CWF19L2: variants seen among roughly 807,000 people sequenced by gnomAD.
The protein encoded by CWF19L2 is CWF19-like protein 2.
Under a neutral mutation model 111.7 loss-of-function variants are expected in CWF19L2, and 98 were observed. The ratio of observed to expected loss-of-function variants is 0.88; its 90% CI spans 0.75 to 1.04. CWF19L2 has a LOEUF of 1.04. Among genes scored for constraint, CWF19L2 ranks in the 50% least tolerant of loss-of-function variants. CWF19L2 has a pLI of 0.00. For synonymous variants in CWF19L2, 351 were observed against 342.9 expected, an observed-to-expected ratio of 1.02 and a Z score of -0.26; for missense variants, 1,101 against 1,051.4, an observed-to-expected ratio of 1.05 and a Z score of -0.65.
intron 8 of CWF19L2, among the ~76,000 whole-genome samples, chr11:107,423,183 G>A (rs1480533235): frequency 6.6e-6 from 1 of 151,910 alleles, no homozygotes; most frequent in Non-Finnish European, 1.5e-5. Flanking sequence ...TAAGGTACAT[G>A]TCATTTTCAT....
chr11:107,348,897 C>A lies in CWF19L2; in HGVS notation c.2202+40G>T. ...ATCACAATAATTTACAAAAATTGCT[C>A]ATGAGTTTTAAAATGATAATGAACA... On this transcript the variant is annotated intron_variant, in intron 14 of 17. Transcript: ENST00000282251. The A allele has an allele frequency of 2.5e-6, 3 of 1,183,386 alleles. No homozygotes were observed. In the South Asian group the frequency reaches 4.1e-5, roughly 16 times the overall value. The allele number at this position is 1,183,386 out of a possible 1,614,324, so 73.3% of individuals were successfully genotyped here.
intron 5 of CWF19L2, among the ~76,000 whole-genome samples, chr11:107,440,022 T>C (rs1342891317): frequency 6.6e-6 from 1 of 152,174 alleles, no homozygotes; most frequent in East Asian, 1.9e-4. Flanking sequence ...TCTCCTGTGT[T>C]CTAAGCACGA....
At chr11:107,359,970 A>C (rs1452693629) in intron 12 of CWF19L2, among the ~76,000 whole-genome samples, 1 of 152,230 alleles carries the variant, frequency 6.6e-6, no homozygotes, top group East Asian at 1.9e-4. Context: ...GGAATGTAGG[A>C]GATCCTTGAG....
intron 12 of CWF19L2, among the ~76,000 whole-genome samples, chr11:107,362,792 C>A (rs577446004): frequency 0.16 from 23,626 of 151,678 alleles, 2,131 homozygotes; most frequent in Middle Eastern, 0.26. Context: ...GAACGCAGTT[C>A]CTCACCAGCA....
intron 16 of CWF19L2, among the ~76,000 whole-genome samples, chr11:107,333,477 A>G (rs1291245273): frequency 6.6e-6 from 1 of 152,202 alleles, no homozygotes; most frequent in African/African-American, 2.4e-5. Flanking sequence ...CTATGTTGTG[A>G]AAGAATACTT....
At chr11:107,446,064 T>G (rs1861698074) in intron 3 of CWF19L2, among the ~76,000 whole-genome samples, 1 of 152,254 alleles carries the variant, frequency 6.6e-6, no homozygotes, top group South Asian at 2.1e-4. Flanking sequence ...AAGACCATAC[T>G]AGCCCTAGAC....
chr11:107,448,282 T>G (rs571391482), intron 3 of CWF19L2, among the ~76,000 whole-genome samples: 1 of 134,670 alleles, frequency 7.4e-6, no homozygotes, highest in South Asian at 2.4e-4. Flanking sequence ...GAGGCGGAGG[T>G]TGCAGTGAGC....
At chr11:107,367,372 G>A (rs1209549762) in intron 12 of CWF19L2, among the ~76,000 whole-genome samples, 1 of 128,172 alleles carries the variant, frequency 7.8e-6, no homozygotes, top group Admixed American at 7.7e-5. Flanking sequence ...AAAGACACAT[G>A]CACACGTATG....
chr11:107,339,609 TGCCATCTA>T (rs1859975438), intron 14 of CWF19L2, among the ~76,000 whole-genome samples: 1 of 152,074 alleles, frequency 6.6e-6, no homozygotes, highest in Admixed American at 6.6e-5. Context: ...TATGCTTATT[TGCCATCTA>T]TTAATATAGA....
At chr11:107,377,952 C>A (rs1379442863) in intron 12 of CWF19L2, among the ~76,000 whole-genome samples, 1 of 151,834 alleles carries the variant, frequency 6.6e-6, no homozygotes, top group Admixed American at 6.5e-5. Context: ...AACAAGTGGG[C>A]GGAGGATATG....
rs557213561 is a variant in CWF19L2 at position 107,364,319 on chromosome 11, G to A, written c.1873-10583C>T. Among the ~76,000 whole-genome samples the A allele has an allele frequency of 1.7e-4, 25 of 146,896 alleles. 1 individual carries two copies. The highest frequency in any genetic ancestry group is 4.1e-4 in the African/African-American group (16 of 38,864). On this transcript the variant is annotated intron_variant, in intron 12 of 17. Transcript: ENST00000282251. Reference sequence around the variant, plus strand: ...AATTGAACTCAGCTCTGCCTCAAGCGGACCTAATATACATCTACAGAACTC... The same window carrying A: ...AATTGAACTCAGCTCTGCCTCAAGCAGACCTAATATACATCTACAGAACTC...
intron 12 of CWF19L2, among the ~76,000 whole-genome samples, chr11:107,354,883 T>A (rs866340484): frequency 3.3e-5 from 5 of 152,206 alleles, no homozygotes; most frequent in Non-Finnish European, 5.9e-5. Context: ...TCTACTCATT[T>A]TTCAATACTA....
chr11:107,333,090 A>T (rs1048328061), intron 16 of CWF19L2, among the ~76,000 whole-genome samples: 1 of 81,366 alleles, frequency 1.2e-5, no homozygotes, highest in African/African-American at 3.9e-5. Flanking sequence ...ACTCTGTCTA[A>T]AAAAAAAAAA....
intron 12 of CWF19L2, among the ~76,000 whole-genome samples, chr11:107,360,350 T>G (rs1345904605): frequency 1.3e-5 from 2 of 152,238 alleles, no homozygotes; most frequent in African/African-American, 4.8e-5. Flanking sequence ...TATTCCATTG[T>G]GTATATATAC....
chr11:107,378,273 AC>A (rs1382540943), intron 12 of CWF19L2, among the ~76,000 whole-genome samples: 3 of 149,952 alleles, frequency 2.0e-5, no homozygotes, highest in African/African-American at 7.5e-5. Context: ...CTGGGTATAT[AC>A]CCAAAGGACT....
intron 14 of CWF19L2, among the ~76,000 whole-genome samples, 166 bp from the exon 15 acceptor site, chr11:107,336,879 T>G (rs1217686652): frequency 1.3e-5 from 2 of 152,148 alleles, no homozygotes; most frequent in Admixed American, 1.3e-4. Context: ...AATGTTATAG[T>G]TACTTTACTT....
At chr11:107,412,004 T>G (rs962462799) in intron 10 of CWF19L2, among the ~76,000 whole-genome samples, 2 of 152,176 alleles carry the variant, frequency 1.3e-5, no homozygotes, top group Non-Finnish European at 2.9e-5. Flanking sequence ...GGAACAGTCA[T>G]GTAACTACAG....
intron 10 of CWF19L2, among the ~76,000 whole-genome samples, chr11:107,396,529 C>T (rs1187448737): frequency 6.6e-6 from 1 of 152,130 alleles, no homozygotes; most frequent in Non-Finnish European, 1.5e-5. Flanking sequence ...TATAAAGCTA[C>T]AAAATCAGTT....
At position 107,392,871 on chromosome 11, in the gene CWF19L2, G is replaced by C; in HGVS notation, c.1642C>G (p.Leu548Val). The change falls in exon 11 of 18, where the codon CTT (leucine) becomes GTT (valine). Residue 548 changes from leucine (L) to valine (V), a missense_variant. Coordinates refer to ENST00000282251, the MANE Select transcript of CWF19L2 (RefSeq NM_152434.3). ...CTTCCAGACTGATCTGTTCTGACAA[G>C]GATTACTTCTTGCTGGTCTTCATTC... is the stretch of plus-strand genomic sequence containing the variant. ...VENEDQQEVI[L>V]VRTDQSGRVW... 6.4e-7 allele frequency: 1 copy of C among 1,568,818 alleles called. No individual in the cohort carries two copies. Among genetic ancestry groups the C allele is most frequent in the South Asian group, 1.2e-5 (1 of 83,346 alleles).
Sources: allele counts gnomAD v4.1 joint callset (sites outside exome capture counted in the v4.1 genomes callset), GRCh38; gene constraint gnomAD v4.1.1; transcripts MANE v1.5; gene names NCBI Gene and HGNC (gene_info 2026-07-23, HGNC 2026-07-21).